POFUT3: variants seen among roughly 807,000 people sequenced by gnomAD.
POFUT3 encodes the protein protein O-fucosyltransferase 3.
At chr8:33,417,450 C>T in the POFUT3 span, among the ~76,000 whole-genome samples, 1 of 152,114 alleles carries the variant, frequency 6.6e-6, no homozygotes, top group African/African-American at 2.4e-5. Context: ...GAAACCAGTC[C>T]CTAGTGCCAA....
the POFUT3 span, among the ~76,000 whole-genome samples, chr8:33,446,375 C>T: frequency 2.0e-5 from 3 of 150,172 alleles, no homozygotes; most frequent in Non-Finnish European, 4.4e-5. Flanking sequence ...GAGAATCTCT[C>T]GAACACAGGA....
chr8:33,338,954 A>G, the POFUT3 span: 1 of 152,348 alleles, frequency 6.6e-6, no homozygotes. Context: ...TTCATGATCA[A>G]TGAAAAAAAG....
At chr8:33,358,586 T>C in the POFUT3 span, among the ~76,000 whole-genome samples, 33,264 of 152,122 alleles carry the variant, frequency 0.22, 4,108 homozygotes, top group South Asian at 0.51. Context: ...AGAATGTTTG[T>C]TGCCCTCCAA....
the POFUT3 span, among the ~76,000 whole-genome samples, chr8:33,349,208 A>G: frequency 6.6e-6 from 1 of 152,190 alleles, no homozygotes; most frequent in East Asian, 1.9e-4. Context: ...ATTTTTCCCC[A>G]TTCATGAATG....
At chr8:33,357,508 A>G in the POFUT3 span, among the ~76,000 whole-genome samples, 3 of 147,584 alleles carry the variant, frequency 2.0e-5, no homozygotes, top group African/African-American at 8.0e-5. Context: ...ATATATATAT[A>G]TATGTATGTG....
chr8:33,389,062 C>T, the POFUT3 span: 3 of 1,614,202 alleles, frequency 1.9e-6, no homozygotes, highest in Non-Finnish European at 2.5e-6. Flanking sequence ...CTCCCCATTT[C>T]CGTTCCCTGA....
chr8:33,469,803 CTTTT>C, the POFUT3 span, among the ~76,000 whole-genome samples: 6 of 108,780 alleles, frequency 5.5e-5, no homozygotes, highest in African/African-American at 1.4e-4. Context: ...TTTACTTTTT[CTTTT>C]TTTTTTTTTT....
chr8:33,360,703 G>A, the POFUT3 span: 1 of 152,108 alleles, frequency 6.6e-6, no homozygotes, highest in Non-Finnish European at 1.5e-5. Flanking sequence ...TCTACCTACT[G>A]TTTTATTCTT....
the POFUT3 span, among the ~76,000 whole-genome samples, chr8:33,421,181 T>A: frequency 6.6e-6 from 1 of 152,146 alleles, no homozygotes; most frequent in Non-Finnish European, 1.5e-5. Flanking sequence ...TTTGAATATA[T>A]TTTCCCTTTA....
At chr8:33,428,377 A>C in the POFUT3 span, among the ~76,000 whole-genome samples, 1 of 152,190 alleles carries the variant, frequency 6.6e-6, no homozygotes, top group Non-Finnish European at 1.5e-5. Flanking sequence ...CCTTCAAGGG[A>C]ATGTCTGACT....
At chr8:33,458,910 A>G in the POFUT3 span, among the ~76,000 whole-genome samples, 1 of 152,210 alleles carries the variant, frequency 6.6e-6, no homozygotes, top group African/African-American at 2.4e-5. Context: ...ATTGTCTGCC[A>G]AAGTGCTTTT....
the POFUT3 span, among the ~76,000 whole-genome samples, chr8:33,355,827 C>A: frequency 6.6e-6 from 1 of 152,132 alleles, no homozygotes; most frequent in Non-Finnish European, 1.5e-5. Context: ...GCCCCTCCCC[C>A]AACGCCACAA....
the POFUT3 span, chr8:33,436,531 T>C: frequency 1.9e-4 from 205 of 1,071,254 alleles, no homozygotes; most frequent in Non-Finnish European, 2.6e-4. Flanking sequence ...AAGCTTGTGA[T>C]GGTGCAGGTT....
chr8:33,387,719 G>T, the POFUT3 span, among the ~76,000 whole-genome samples: 3 of 152,160 alleles, frequency 2.0e-5, no homozygotes, highest in Non-Finnish European at 2.9e-5. Flanking sequence ...CACAAGAATT[G>T]CTTGAACCTG....
chr8:33,472,687 C>A, the POFUT3 span, among the ~76,000 whole-genome samples: 3 of 152,306 alleles, frequency 2.0e-5, no homozygotes, highest in African/African-American at 7.2e-5. Flanking sequence ...AATGGACGGC[C>A]GCGGACCTGG....
the POFUT3 span, among the ~76,000 whole-genome samples, chr8:33,351,135 A>G: frequency 1.3e-5 from 2 of 152,100 alleles, no homozygotes; most frequent in Non-Finnish European, 2.9e-5. Context: ...TTGTTTTCTT[A>G]GTAGAGACAG....
the POFUT3 span, chr8:33,436,602 G>T: frequency 1.1e-6 from 1 of 899,862 alleles, no homozygotes; most frequent in Non-Finnish European, 1.9e-6. Flanking sequence ...AATTCTTAAT[G>T]ATGCCACATT....
the POFUT3 span, among the ~76,000 whole-genome samples, chr8:33,337,568 C>G: frequency 2.6e-5 from 4 of 152,258 alleles, no homozygotes; most frequent in East Asian, 5.8e-4. Flanking sequence ...AATAACCCCT[C>G]TACTCTCACC....
chr8:33,450,445 A>G, the POFUT3 span, among the ~76,000 whole-genome samples: 3 of 152,244 alleles, frequency 2.0e-5, no homozygotes, highest in Admixed American at 2.0e-4. Context: ...GAAGGTATTC[A>G]GTAGATTATT....
Sources: allele counts gnomAD v4.1 joint callset (sites outside exome capture counted in the v4.1 genomes callset), GRCh38; gene constraint gnomAD v4.1.1; transcripts MANE v1.5; gene names NCBI Gene and HGNC (gene_info 2026-07-23, HGNC 2026-07-21).